ZNF786: variants seen among roughly 807,000 people sequenced by gnomAD.
The protein encoded by ZNF786 is zinc finger protein 786.
A neutral mutation model predicts 63.1 loss-of-function variants in ZNF786; 56 were observed. The ratio of observed to expected loss-of-function variants is 0.89; its 90% confidence interval spans 0.72 to 1.11. ZNF786 has a LOEUF of 1.11. ZNF786 is among the 50% of genes least tolerant of loss of function. The pLI, the probability that ZNF786 is intolerant of heterozygous loss-of-function variation, is 0.00. For missense variants in ZNF786, 1,213 were observed against 1,041.8 expected, an observed-to-expected ratio of 1.16 and a Z score of -2.26; for synonymous variants, 485 against 406.9, an observed-to-expected ratio of 1.19 and a Z score of -2.31.
chr7:149,071,722 C>T lies in ZNF786; in HGVS notation c.1050G>A (p.Gly350=), dbSNP rs1427562254. 35 of 1,583,266 alleles carry T rather than the reference C, an allele frequency of 2.2e-5. No homozygotes were observed. Among genetic ancestry groups the T allele is most frequent in the African/African-American group, 2.7e-5 (2 of 74,592 alleles). ...QKPGSRLPQE[G]NSHQEGDTEA... is the part of the protein sequence containing the mutation. ...CCGTGTCCCCTTCCTGGTGGCTGTTCCCCTCCTGGGGCAGGCGCGAGCCTG... is the reference window on the plus strand; with the variant it reads ...CCGTGTCCCCTTCCTGGTGGCTGTTTCCCTCCTGGGGCAGGCGCGAGCCTG... The change falls in exon 4 of 4, where the codon GGG becomes GGA. Residue 350 remains glycine (G), a synonymous_variant. Coordinates refer to ENST00000491431, the MANE Select transcript of ZNF786 (RefSeq NM_152411.4).
intron 2 of ZNF786, 81 bp downstream of exon 2, chr7:149,080,510 G>T: frequency 7.2e-7 from 1 of 1,379,880 alleles, no homozygotes; most frequent in Non-Finnish European, 9.5e-7. Flanking sequence ...CTTGCTACCT[G>T]AGAAACAGGA....
Position 149,072,165 on chromosome 7 carries a change from C to A in ZNF786, c.607G>T (p.Val203Leu). The A allele has an allele frequency of 6.2e-7, 1 of 1,613,262 alleles. No homozygotes were observed. ...GESCWENNHL[V>L]MHQRGHSKDR... ...TTTGAGTGGCCTCTCTGGTGCATTA[C>A]TAAATGGTTGTTCTCCCAACAGCTT... is the stretch of plus-strand genomic sequence containing the variant. Residue 203 changes from valine to leucine, a missense_variant, in exon 4 of 4, where the codon GTA becomes TTA. Val to Leu is a conservative substitution (Grantham distance 32). Transcript: ENST00000491431.
intron 1 of ZNF786, among the ~76,000 whole-genome samples, chr7:149,082,901 A>C (rs1291796285): frequency 1.4e-5 from 2 of 140,952 alleles, no homozygotes. Context: ...TTTTATTTTT[A>C]TTTATTCATT....
rs371575866 is a variant in ZNF786 at position 149,070,613 on chromosome 7, A to T, written c.2159T>A (p.Leu720Gln). ...DKNFRERGHMLRHQRIHRPER... is the reference protein window; with the variant it reads ...DKNFRERGHMQRHQRIHRPER... ...GGGCCTGTGGATGCGCTGGTGCCTC[A>T]GCATGTGTCCCCTTTCCCGGAAGTT... Residue 720 changes from leucine to glutamine, a missense_variant, in exon 4 of 4, where the codon CTG becomes CAG. Leu to Gln is a moderately radical substitution (Grantham distance 113). Coordinates refer to ENST00000491431, the MANE Select transcript of ZNF786 (RefSeq NM_152411.4). 33 of 1,613,862 alleles carry T rather than the reference A, an allele frequency of 2.0e-5. No individual in the cohort carries two copies. The highest frequency in any genetic ancestry group is 2.5e-5 in the Non-Finnish European group (29 of 1,179,908).
chr7:149,081,697 C>T (rs566738406), intron 1 of ZNF786, among the ~76,000 whole-genome samples: 3 of 151,916 alleles, frequency 2.0e-5, no homozygotes, highest in Admixed American at 1.3e-4. Context: ...CAATGTGGGG[C>T]GGCAAGTTGT....
intron 1 of ZNF786, among the ~76,000 whole-genome samples, chr7:149,088,247 C>T (rs1191588787): frequency 6.6e-6 from 1 of 152,106 alleles, no homozygotes; most frequent in Non-Finnish European, 1.5e-5. Context: ...AGGTGATCTG[C>T]CCACCTGGAC....
intron 3 of ZNF786, among the ~76,000 whole-genome samples, chr7:149,073,664 CAT>C (rs954183154): frequency 6.8e-5 from 10 of 146,432 alleles, no homozygotes; most frequent in Non-Finnish European, 1.2e-4. Flanking sequence ...CATATATACA[CAT>C]ATATTTATGT....
chr7:149,070,152 A>G lies in ZNF786; in HGVS notation c.*271T>C, dbSNP rs778803164. Reference sequence around the variant, plus strand: ...TTGTTTTATAATGCTGTCTTTTCCAATATAGCTGGGATCACGCCACTGCAC... The same window carrying G: ...TTGTTTTATAATGCTGTCTTTTCCAGTATAGCTGGGATCACGCCACTGCAC... On this transcript the variant is annotated 3_prime_UTR_variant, in exon 4 of 4. Transcript: ENST00000491431. 58 of 302,392 alleles carry G rather than the reference A, an allele frequency of 1.9e-4. No homozygotes were observed. Among genetic ancestry groups the G allele is most frequent in the Non-Finnish European group, 3.3e-4 (53 of 162,916 alleles). 18.7% of individuals were successfully genotyped at this position (302,392 alleles called of 1,614,324 possible).
chr7:149,071,485 C>CT lies in ZNF786; in HGVS notation c.1286dup (p.Cys430ValfsTer10), dbSNP rs779885405. ...ACTGCTTGGCGAAGCCCTTGCCACA[C>CT]TTCCTGCAGGAGAACGGTCTCTCCC... On this transcript the variant is annotated frameshift_variant, in exon 4 of 4. Transcript: ENST00000491431. LOFTEE classifies it high-confidence loss of function. The CT allele has an allele frequency of 9.3e-6, 15 of 1,613,286 alleles. No homozygotes were observed. In the Admixed American group the frequency reaches 2.5e-4, roughly 27 times the overall value.
chr7:149,086,512 C>T (rs1281892853), intron 1 of ZNF786, among the ~76,000 whole-genome samples: 4 of 152,070 alleles, frequency 2.6e-5, no homozygotes, highest in Admixed American at 6.6e-5. Flanking sequence ...CCTGTAATCC[C>T]GGCTACTTGG....
At position 149,072,028 on chromosome 7, in the gene ZNF786, G is replaced by A. The variant is rs1825435611; in HGVS notation, c.744C>T (p.Ser248=). The A allele has an allele frequency of 1.2e-6, 2 of 1,613,022 alleles. No individual in the cohort carries two copies. Among genetic ancestry groups the A allele is most frequent in the African/African-American group, 1.3e-5 (1 of 74,940 alleles). The change falls in exon 4 of 4, where the codon AGC becomes AGT. Residue 248 remains serine (S), a synonymous_variant. Transcript: ENST00000491431. ...RHFRCGVCGK[S]FRRKLCLLRH... is the part of the protein sequence containing the mutation. ...GCAGCAGACACAGCTTCCGGCGGAA[G>A]CTCTTACCGCACACGCCACACCGGA... is the stretch of plus-strand genomic sequence containing the variant.
chr7:149,076,527 G>C lies in ZNF786; in HGVS notation c.146-1989C>G, dbSNP rs371010451. Among the ~76,000 whole-genome samples the C allele has an allele frequency of 1.3e-4, 20 of 151,206 alleles. No homozygotes were observed. The East Asian group carries it at 3.8e-3, about 29-fold the overall frequency. On this transcript the variant is annotated intron_variant, in intron 2 of 3. Coordinates refer to ENST00000491431, the MANE Select transcript of ZNF786 (RefSeq NM_152411.4). ...GAGGATGACGAGGTCAGGAGTTCGA[G>C]ACCAGCCTGGCCAATATGGTGAAAG...
intron 1 of ZNF786, chr7:149,082,576 C>A: frequency 1.2e-6 from 1 of 835,376 alleles, no homozygotes; most frequent in Non-Finnish European, 1.4e-6. Flanking sequence ...TTATCTTGTT[C>A]CAACTTAAAT....
intron 3 of ZNF786, among the ~76,000 whole-genome samples, chr7:149,074,039 C>T (rs772704435): frequency 5.7e-4 from 87 of 151,476 alleles, no homozygotes; most frequent in Non-Finnish European, 9.6e-4. Flanking sequence ...GTGATCTGCC[C>T]GCCTCGGCCA....
Position 149,071,840 on chromosome 7 carries a change from G to A in ZNF786, c.932C>T (p.Thr311Met), listed in dbSNP as rs754771541. The change falls in exon 4 of 4, where the codon ACG becomes ATG. Residue 311 changes from threonine to methionine, a missense_variant. Physicochemically the swap from Thr to Met is moderately conservative, Grantham distance 81. Coordinates refer to ENST00000491431, the MANE Select transcript of ZNF786 (RefSeq NM_152411.4). ...CGKRSLPVDS[T>M]QARRCQHSRE... ...GCTGTGCTGGCACCGGCGAGCCTGC[G>A]TGCTGTCCACTGGGAGGGAGCGCTT... 1.9e-6 allele frequency: 3 copies of A among 1,595,608 alleles called. No homozygotes were observed. The highest frequency in any genetic ancestry group is 2.6e-6 in the Non-Finnish European group (3 of 1,175,516).
intron 1 of ZNF786, chr7:149,081,300 G>A (rs1025039432): frequency 7.8e-6 from 3 of 382,656 alleles, no homozygotes; most frequent in Admixed American, 3.3e-5. Flanking sequence ...GCCGGGTGTG[G>A]TGGCGTGCAC....
At chr7:149,076,288 T>C (rs1356459390) in intron 2 of ZNF786, among the ~76,000 whole-genome samples, 1 of 151,588 alleles carries the variant, frequency 6.6e-6, no homozygotes, top group Admixed American at 6.6e-5. Flanking sequence ...CTAATTTTTG[T>C]ATTTTTAGTA....
intron 3 of ZNF786, 26 bp from the exon 4 acceptor site, chr7:149,072,499 C>G: frequency 6.5e-7 from 1 of 1,540,948 alleles, no homozygotes; most frequent in Non-Finnish European, 8.7e-7. Context: ...AAAATTCAGT[C>G]GGTATTCCTG....
In ZNF786 at chr7:149,070,901, G is replaced by C. The variant is rs765692939; in HGVS notation, c.1871C>G (p.Pro624Arg). 10 of 1,612,306 alleles carry C rather than the reference G, an allele frequency of 6.2e-6. No homozygotes were observed. Among genetic ancestry groups the C allele is most frequent in the South Asian group, 1.1e-5 (1 of 90,998 alleles). Reference sequence around the variant, plus strand: ...CACGCGATAGCGCTTGTCGCACTCCGGACACTGGAAGGGCCTCTCTCCCGT... The same window carrying C: ...CACGCGATAGCGCTTGTCGCACTCCCGACACTGGAAGGGCCTCTCTCCCGT... Reference protein sequence around the residue: ...LHTGERPFQCPECDKRYRVKA... With the variant: ...LHTGERPFQCRECDKRYRVKA... Residue 624 changes from proline to arginine, a missense_variant, in exon 4 of 4, where the codon CCG becomes CGG. Transcript: ENST00000491431.
Sources: allele counts gnomAD v4.1 joint callset (sites outside exome capture counted in the v4.1 genomes callset), GRCh38; gene constraint gnomAD v4.1.1; transcripts MANE v1.5; gene names NCBI Gene and HGNC (gene_info 2026-07-23, HGNC 2026-07-21).